Variants in DPY19L1 observed in about 807,000 individuals in gnomAD.
DPY19L1 encodes dpy-19 like C-mannosyltransferase 1, also known as protein C-mannosyl-transferase DPY19L1.
Under a neutral mutation model 96.9 loss-of-function variants are expected in DPY19L1, and 35 were observed. The ratio of observed to expected loss-of-function variants is 0.36; its 90% confidence interval spans 0.28 to 0.48. The LOEUF is 0.48. DPY19L1 is among the 20% of genes least tolerant of loss of function. The probability of loss-of-function intolerance (pLI) is 0.99; values close to 1 mark genes in which losing one functional copy is unlikely to be tolerated. For synonymous variants in DPY19L1, 205 were observed against 252.6 expected (o/e 0.81, Z 1.79); for missense variants, 521 against 777.9 (o/e 0.67, Z 3.93).
At chr7:35,027,516 A>G (rs1273320414) in intron 1 of DPY19L1, among the ~76,000 whole-genome samples, 6 of 152,030 alleles carry the variant, frequency 3.9e-5, no homozygotes, top group African/African-American at 1.4e-4. Context: ...TCAAAGTGAG[A>G]AGCAAGATTG....
chr7:34,940,320 C>T lies in DPY19L1; in HGVS notation c.1697G>A (p.Gly566Glu), dbSNP rs1232668908. The T allele has an allele frequency of 1.2e-6, 2 of 1,604,728 alleles. No individual in the cohort carries two copies. The highest frequency in any genetic ancestry group is 3.4e-5 in the Admixed American group (2 of 58,862). Residue 566 changes from glycine to glutamate, a missense_variant, in exon 19 of 22, where the codon GGA becomes GAA. Gly to Glu is a moderately conservative substitution (Grantham distance 98, BLOSUM62 -2). Coordinates refer to ENST00000638088, the MANE Select transcript of DPY19L1 (RefSeq NM_001366673.1). ...AGGATGTACTTTGCAAAAGAGCCATCCAAATAGCTGAAACCAAATTAAGAA... is the reference window on the plus strand; with the variant it reads ...AGGATGTACTTTGCAAAAGAGCCATTCAAATAGCTGAAACCAAATTAAGAA... ...ASLICSRQLFGWLFCKVHPGA... is the reference protein window; with the variant it reads ...ASLICSRQLFEWLFCKVHPGA...
intron 1 of DPY19L1, among the ~76,000 whole-genome samples, chr7:35,026,035 G>A (rs1391601337): frequency 1.3e-5 from 2 of 152,138 alleles, no homozygotes; most frequent in Admixed American, 1.3e-4. Context: ...AAGATAAGAG[G>A]TGTCTGAGTA....
At chr7:35,011,218 T>C (rs1785702532) in intron 5 of DPY19L1, 112 bp downstream of exon 5, 2 of 1,272,578 alleles carry the variant, frequency 1.6e-6, no homozygotes, top group South Asian at 1.3e-5. Context: ...TATATATGCA[T>C]AATAAAATGG....
At chr7:34,933,229 T>C (rs969026513) in intron 21 of DPY19L1, among the ~76,000 whole-genome samples, 1 of 152,212 alleles carries the variant, frequency 6.6e-6, no homozygotes, top group Non-Finnish European at 1.5e-5. Context: ...ACTGAGATTT[T>C]GGTGCACCCA....
chr7:35,032,594 T>C (rs566355384), intron 1 of DPY19L1, among the ~76,000 whole-genome samples: 2,093 of 152,236 alleles, frequency 0.014, 13 homozygotes, highest in Middle Eastern at 0.02. Context: ...GTAGTACATC[T>C]CCACTCAGAC....
intron 10 of DPY19L1, among the ~76,000 whole-genome samples, chr7:34,963,149 C>T (rs1283449664): frequency 4.4e-5 from 6 of 135,372 alleles, no homozygotes; most frequent in South Asian, 2.5e-4. Context: ...GAGCCGAGAT[C>T]GTGCCACTGC....
At chr7:35,033,883 C>A (rs1450255999) in intron 1 of DPY19L1, among the ~76,000 whole-genome samples, 1 of 151,858 alleles carries the variant, frequency 6.6e-6, no homozygotes, top group Non-Finnish European at 1.5e-5. Flanking sequence ...TTTTCGTTGT[C>A]ACTACTGGGG....
intron 7 of DPY19L1, among the ~76,000 whole-genome samples, chr7:34,975,186 G>C (rs907989328): frequency 1.1e-4 from 16 of 152,318 alleles, no homozygotes; most frequent in African/African-American, 3.4e-4. Context: ...ATTAAACTTA[G>C]AGAAGAAGGC....
rs1584198300 is a variant in DPY19L1 at position 34,937,859 on chromosome 7, A to G, written c.2090+135T>C. On this transcript the variant is annotated intron_variant, in intron 21 of 21. Coordinates refer to ENST00000638088, the MANE Select transcript of DPY19L1 (RefSeq NM_001366673.1). The stretch of plus-strand genomic sequence containing the variant: ...GGGCAACAGAGTGAGAGCCTGTTTA[A>G]AAAAAAAAGAAGAAGTTTTTCCATG... 6.6e-6 allele frequency: 6 copies of G among 911,136 alleles called. No individual in the cohort carries two copies. The East Asian group carries it at 1.6e-4, about 25-fold the overall frequency. 56.4% of individuals were successfully genotyped at this position (911,136 alleles called of 1,614,324 possible).
At chr7:35,008,616 CCAG>C in intron 6 of DPY19L1, among the ~76,000 whole-genome samples, 2 of 152,172 alleles carry the variant, frequency 1.3e-5, no homozygotes, top group Non-Finnish European at 2.9e-5. Flanking sequence ...CTGCTTGAAG[CCAG>C]TGGTTTGAGG....
rs1783908363 is a variant in DPY19L1, at chr7:34,938,007, C to T, written c.2077G>A (p.Val693Ile). 2 of 1,613,060 alleles carry T rather than the reference C, an allele frequency of 1.2e-6. No individual in the cohort carries two copies. The highest frequency in any genetic ancestry group is 1.3e-5 in the African/African-American group (1 of 75,016). Residue 693 changes from valine (V) to isoleucine (I), a missense_variant, in exon 21 of 22, where the codon GTA becomes ATA. By Grantham distance (29) the Val-to-Ile change is conservative. Transcript: ENST00000638088. ...GTTGATACTCACTTGGATCTTCTTA[C>T]ACACCATGACTCTTCTAGAATGTAA... ...NYYILEESWC[V>I]RRSKPGCSMP... is the part of the protein sequence containing the mutation.
chr7:34,959,922 TATTTATATATATA>T (rs1562806973), intron 10 of DPY19L1, among the ~76,000 whole-genome samples: 877 of 58,284 alleles, frequency 0.015, 3 homozygotes, highest in Non-Finnish European at 0.021. Context: ...TATATATATA[TATTTATATATATA>T]TATATATATA....
Position 34,940,290 on chromosome 7 carries a change from G to T in DPY19L1, c.1727C>A (p.Ala576Asp). Residue 576 changes from alanine (A) to aspartate (D), a missense_variant, in exon 19 of 22, where the codon GCT (alanine) becomes GAT (aspartate). By Grantham distance (126) the Ala-to-Asp change is moderately radical (BLOSUM62 -2). Coordinates refer to ENST00000638088, the MANE Select transcript of DPY19L1 (RefSeq NM_001366673.1). Reference protein sequence around the residue: ...GWLFCKVHPGAIVFAILAAMS... With the variant: ...GWLFCKVHPGDIVFAILAAMS... ...TGCTGCTAATATAGCAAACACAATA[G>T]CACCAGGATGTACTTTGCAAAAGAG... is the stretch of plus-strand genomic sequence containing the variant. 6.2e-7 allele frequency: 1 copy of T among 1,609,040 alleles called. No individual in the cohort carries two copies. The highest frequency in any genetic ancestry group is 8.5e-7 in the Non-Finnish European group (1 of 1,179,126).
chr7:34,938,609 T>G (rs1251261066), intron 20 of DPY19L1, among the ~76,000 whole-genome samples: 1 of 152,228 alleles, frequency 6.6e-6, no homozygotes, highest in African/African-American at 2.4e-5. Flanking sequence ...TTGATGAGAT[T>G]GATTTTTTAA....
In DPY19L1 at chr7:34,955,359, C is replaced by T; in HGVS notation, c.1188G>A (p.Leu396=). 1.2e-6 allele frequency: 2 copies of T among 1,608,180 alleles called. No homozygotes were observed. The highest frequency in any genetic ancestry group is 3.3e-4 in the Middle Eastern group (2 of 6,046). ...ASSLVIIWGI[L]AMKPHFLKIN... ...TTTTCAGGAAATGTGGTTTCATTGCCAGAATACCCTGAGTAGAGAAAAATA... is the reference window on the plus strand; with the variant it reads ...TTTTCAGGAAATGTGGTTTCATTGCTAGAATACCCTGAGTAGAGAAAAATA... Residue 396 remains leucine, a synonymous_variant, in exon 12 of 22, where the codon CTG becomes CTA. Transcript: ENST00000638088.
chr7:35,032,087 A>G (rs985811409), intron 1 of DPY19L1, among the ~76,000 whole-genome samples: 7 of 152,098 alleles, frequency 4.6e-5, no homozygotes, highest in African/African-American at 7.2e-5. Context: ...TTGTTCCTGT[A>G]TCTCTAAGTA....
intron 15 of DPY19L1, among the ~76,000 whole-genome samples, chr7:34,946,683 C>T (rs1417692137): frequency 6.6e-6 from 1 of 152,218 alleles, no homozygotes; most frequent in Non-Finnish European, 1.5e-5. Flanking sequence ...TCGGAGTACA[C>T]AGCTGAATAC....
chr7:34,933,836 T>C (rs1452578668), intron 21 of DPY19L1, among the ~76,000 whole-genome samples: 2 of 152,226 alleles, frequency 1.3e-5, no homozygotes, highest in Non-Finnish European at 2.9e-5. Context: ...TCAGCTTCCC[T>C]ACTTTTGAAG....
intron 6 of DPY19L1, among the ~76,000 whole-genome samples, chr7:35,005,428 G>A (rs756626763): frequency 9.2e-5 from 14 of 151,430 alleles, no homozygotes; most frequent in Non-Finnish European, 1.9e-4. Flanking sequence ...TGGGACCAGG[G>A]CCTCGCTGCT....
Sources: gnomAD v4.1 joint callset for allele counts (sites outside exome capture counted in the v4.1 genomes callset) on GRCh38, gnomAD v4.1.1 for gene constraint, MANE v1.5 for transcripts, NCBI Gene and HGNC (gene_info 2026-07-23, HGNC 2026-07-21) for gene names.